The following GPBP1L1 variants were observed in gnomAD, a reference collection of about 807,000 sequenced individuals.
The protein encoded by GPBP1L1 is vasculin-like protein 1.
A neutral mutation model predicts 52.5 loss-of-function variants in GPBP1L1; 23 were observed. The ratio of observed to expected loss-of-function variants is 0.44; its 90% CI spans 0.32 to 0.62. The LOEUF (loss-of-function observed/expected upper bound fraction) is 0.62, where lower values mean the gene tolerates loss of function less well. Ranked by LOEUF, GPBP1L1 falls within the 20% of genes least tolerant of loss-of-function variation. The probability of loss-of-function intolerance (pLI) is 0.06; values close to 1 mark genes in which losing one functional copy is unlikely to be tolerated. For synonymous variants in GPBP1L1, 243 were observed against 203.1 expected, an observed-to-expected ratio of 1.20 and a Z score of -1.67; for missense variants, 596 against 579.3, an observed-to-expected ratio of 1.03 and a Z score of -0.30.
chr1:45,629,454 T>TCTCCCCCCC, intron 12 of GPBP1L1, 122 bp downstream of exon 12: 1 of 115,396 alleles, frequency 8.7e-6, no homozygotes, highest in Non-Finnish European at 1.6e-5. Flanking sequence ...ACTAAGGTAA[T>TCTCCCCCCC]CCCCCCCCCC....
intron 2 of GPBP1L1, among the ~76,000 whole-genome samples, chr1:45,684,258 CA>C (rs60624036): frequency 0.25 from 21,601 of 87,342 alleles, 751 homozygotes; most frequent in Middle Eastern, 0.33. Flanking sequence ...AACTCCGTCT[CA>C]AAAAAAAAAA....
chr1:45,660,049 C>G (rs1030759437), intron 3 of GPBP1L1, 135 bp downstream of exon 3: 2 of 303,526 alleles, frequency 6.6e-6, no homozygotes, highest in African/African-American at 4.5e-5. Flanking sequence ...ATCAGTTTTC[C>G]TGAGATCTGT....
At chr1:45,631,469 G>T (rs530831580) in intron 10 of GPBP1L1, among the ~76,000 whole-genome samples, 1 of 152,172 alleles carries the variant, frequency 6.6e-6, no homozygotes, top group African/African-American at 2.4e-5. Context: ...CGCCAGGTTG[G>T]CCAGGCTGGT....
chr1:45,647,135 A>G (rs148440694), intron 6 of GPBP1L1, among the ~76,000 whole-genome samples: 1 of 131,808 alleles, frequency 7.6e-6, no homozygotes, highest in East Asian at 2.3e-4. Flanking sequence ...GTTTTCCCAG[A>G]TGATTTTTTT....
chr1:45,685,661 C>T (rs1645271575), intron 1 of GPBP1L1, 41 bp from the exon 2 acceptor site: 1 of 152,166 alleles, frequency 6.6e-6, no homozygotes, highest in African/African-American at 2.4e-5. Context: ...GTTAATGTCC[C>T]CACAGGGGAA....
At chr1:45,629,847 G>A (rs1644507294) in intron 11 of GPBP1L1, 169 bp from the exon 12 acceptor site, 1 of 574,278 alleles carries the variant, frequency 1.7e-6, no homozygotes, top group Non-Finnish European at 3.1e-6. Context: ...CCTGGGTGCT[G>A]TAAATAAATG....
At chr1:45,639,574 TA>T (rs60435928) in intron 8 of GPBP1L1, among the ~76,000 whole-genome samples, 27,406 of 130,028 alleles carry the variant, frequency 0.21, 2,841 homozygotes, top group Non-Finnish European at 0.25. Flanking sequence ...AAAAAATAAT[TA>T]AAAAAAAAAA....
chr1:45,636,124 C>T (rs1412759307), intron 8 of GPBP1L1, among the ~76,000 whole-genome samples: 1 of 152,158 alleles, frequency 6.6e-6, no homozygotes, highest in Non-Finnish European at 1.5e-5. Flanking sequence ...AACTTTCATC[C>T]TTATATTACA....
intron 2 of GPBP1L1, among the ~76,000 whole-genome samples, chr1:45,676,942 T>C (rs903137381): frequency 2.0e-5 from 3 of 149,266 alleles, no homozygotes; most frequent in Non-Finnish European, 3.0e-5. Context: ...GTAATCCCAA[T>C]ACTTTGGGAG....
At chr1:45,679,891 CAAAAAAA>C (rs61208985) in intron 2 of GPBP1L1, among the ~76,000 whole-genome samples, 85 of 88,172 alleles carry the variant, frequency 9.6e-4, no homozygotes, top group East Asian at 2.2e-3. Flanking sequence ...CTTATCTATA[CAAAAAAA>C]AAAAAAAAAA....
At chr1:45,674,281 A>G (rs1033609518) in intron 2 of GPBP1L1, among the ~76,000 whole-genome samples, 2 of 152,264 alleles carry the variant, frequency 1.3e-5, no homozygotes, top group African/African-American at 4.8e-5. Flanking sequence ...TTTTATTTGG[A>G]TAAGTAGAAG....
At chr1:45,653,899 A>C (rs1644851571) in intron 6 of GPBP1L1, among the ~76,000 whole-genome samples, 1 of 151,938 alleles carries the variant, frequency 6.6e-6, no homozygotes, top group Admixed American at 6.6e-5. Flanking sequence ...GGGTTTCACC[A>C]TGTTGGTCAG....
At chr1:45,664,299 CAACAG>C (rs1452070097) in intron 2 of GPBP1L1, among the ~76,000 whole-genome samples, 13 of 145,726 alleles carry the variant, frequency 8.9e-5, no homozygotes, top group Non-Finnish European at 1.5e-5. Context: ...CCAGCCTGGG[CAACAG>C]AGTGAGACTC....
In GPBP1L1 at chr1:45,655,463, T is replaced by A. The variant is rs1644874409; in HGVS notation, c.61-144A>T. 1.1e-5 allele frequency: 9 copies of A among 814,990 alleles called. No individual in the cohort carries two copies. The South Asian group carries it at 1.6e-4, about 14-fold the overall frequency. The allele number at this position is 814,990 out of a possible 1,614,324, so 50.5% of individuals were successfully genotyped here. A position where few individuals can be genotyped will look rare whatever the true frequency, so the allele number is the denominator to read the frequency against. On this transcript the variant is annotated intron_variant, in intron 4 of 12. Coordinates refer to ENST00000355105, the MANE Select transcript of GPBP1L1 (RefSeq NM_021639.5). ...ATTGTAAGCATATGGACCCTAAGGG[T>A]ACCCACAGGTGCCTAATTTAGAGAA...
chr1:45,652,946 TA>T (rs1379039670), intron 6 of GPBP1L1, among the ~76,000 whole-genome samples: 2 of 152,202 alleles, frequency 1.3e-5, no homozygotes, highest in Non-Finnish European at 2.9e-5. Flanking sequence ...GTTTGCTGTA[TA>T]AATAATAAAG....
chr1:45,635,377 T>C (rs1557695748), intron 8 of GPBP1L1: 1 of 152,186 alleles, frequency 6.6e-6, no homozygotes. Context: ...TGGTTGCTTG[T>C]GTCAGGTTAA....
chr1:45,669,011 T>A (rs992197957), intron 2 of GPBP1L1, among the ~76,000 whole-genome samples: 2 of 152,202 alleles, frequency 1.3e-5, no homozygotes, highest in Non-Finnish European at 2.9e-5. Flanking sequence ...ACATTCTCCA[T>A]CTGTCATTGA....
intron 2 of GPBP1L1, among the ~76,000 whole-genome samples, chr1:45,666,086 CTCTG>C (rs1056168456): frequency 7.9e-5 from 12 of 151,902 alleles, no homozygotes; most frequent in Non-Finnish European, 1.5e-5. Context: ...TCCTTTAATA[CTCTG>C]TCTGGAAGTA....
intron 11 of GPBP1L1, 24 bp from the exon 12 acceptor site, chr1:45,629,702 A>C (rs757002474): frequency 7.0e-7 from 1 of 1,433,396 alleles, no homozygotes; most frequent in Non-Finnish European, 9.9e-7. Flanking sequence ...AAGGACAGGT[A>C]AAGAGAATAC....
Sources: gnomAD v4.1 joint callset for allele counts (sites outside exome capture counted in the v4.1 genomes callset) on GRCh38, gnomAD v4.1.1 for gene constraint, MANE v1.5 for transcripts, NCBI Gene and HGNC (gene_info 2026-07-23, HGNC 2026-07-21) for gene names.